The following AHR variants were observed in gnomAD, a reference collection of about 807,000 sequenced individuals.
The protein encoded by AHR is AH-receptor.
AHR carries 40 observed loss-of-function variants against 86.8 expected under a neutral mutation model. The ratio of observed to expected loss-of-function variants is 0.46; its 90% CI spans 0.36 to 0.60. The LOEUF is 0.60. Among genes scored for constraint, AHR ranks in the 20% least tolerant of loss-of-function variants. AHR has a pLI of 0.00. For missense variants in AHR, 1,001 were observed against 1,011.6 expected (o/e 0.99, Z 0.14); for synonymous variants, 398 against 354.9 (o/e 1.12, Z -1.37).
chr7:17,334,873 T>G lies in AHR; in HGVS notation c.909-14T>G. The stretch of plus-strand genomic sequence containing the variant: ...TTAATCCATTCTTATTTTACCTTTT[T>G]TTATTTTAAACAGAGGAAGAATTGT... On this transcript the variant is annotated splice_polypyrimidine_tract_variant and intron_variant, in intron 7 of 10. Transcript: ENST00000242057. 1 of 1,569,212 alleles carries G rather than the reference T, an allele frequency of 6.4e-7. No homozygotes were observed. Among genetic ancestry groups the G allele is most frequent in the Non-Finnish European group, 8.7e-7 (1 of 1,150,232 alleles).
chr7:17,329,813 C>A, intron 4 of AHR, 139 bp from the exon 5 acceptor site: 1 of 720,552 alleles, frequency 1.4e-6, no homozygotes, highest in Non-Finnish European at 2.1e-6. Flanking sequence ...TCTTAGGTGA[C>A]TAGGGAATTT....
In AHR at chr7:17,330,855, G is replaced by T; in HGVS notation, c.674G>T (p.Arg225Met). The change falls in exon 6 of 11, where the codon AGG becomes ATG. Residue 225 changes from arginine to methionine, a missense_variant. By Grantham distance (91) the Arg-to-Met change is moderately conservative. This residue lies in a region of AHR where 394 missense variants were observed against 468.5 expected (regional missense o/e 0.84). Coordinates refer to ENST00000242057, the MANE Select transcript of AHR (RefSeq NM_001621.5). ...GAGAGGTGCTTCATATGTCGTCTAA[G>T]GTGTCTGCTGGATAATTCATCTGGT... ...LMERCFICRL[R>M]CLLDNSSGFL... 2 of 1,612,254 alleles carry T rather than the reference G, an allele frequency of 1.2e-6. No individual in the cohort carries two copies. Among genetic ancestry groups the T allele is most frequent in the Non-Finnish European group, 1.7e-6 (2 of 1,178,722 alleles).
At position 17,346,034 on chromosome 7, in the gene AHR, C is replaced by G. The variant is rs985856588; in HGVS notation, c.*2970C>G. 1 of 152,528 alleles carries G rather than the reference C, an allele frequency of 6.6e-6. No individual in the cohort carries two copies. The highest frequency in any genetic ancestry group is 1.5e-5 in the Non-Finnish European group (1 of 67,970). 9.4% of individuals were successfully genotyped at this position (152,528 alleles called of 1,614,324 possible). A position where few individuals can be genotyped will look rare whatever the true frequency, so the allele number is the denominator to read the frequency against. On this transcript the variant is annotated 3_prime_UTR_variant, in exon 11 of 11. Coordinates refer to ENST00000242057, the MANE Select transcript of AHR (RefSeq NM_001621.5). ...TAAATGCTTTCATGGCTTTTTTCTT[C>G]AAAATGTTACTGCTTACATATATCA... is the stretch of plus-strand genomic sequence containing the variant.
At chr7:17,320,325 A>C (rs1303866798) in intron 2 of AHR, among the ~76,000 whole-genome samples, 2 of 151,908 alleles carry the variant, frequency 1.3e-5, no homozygotes, top group Non-Finnish European at 2.9e-5. Flanking sequence ...ATTATAAATT[A>C]CTCTAAGATG....
At chr7:17,306,809 A>G (rs1208565920) in intron 1 of AHR, among the ~76,000 whole-genome samples, 1 of 152,044 alleles carries the variant, frequency 6.6e-6, no homozygotes, top group African/African-American at 2.4e-5. Flanking sequence ...TCTCTCTTCA[A>G]GCCAGTCCTT....
At chr7:17,300,569 T>C (rs1165317607) in intron 1 of AHR, among the ~76,000 whole-genome samples, 1 of 152,222 alleles carries the variant, frequency 6.6e-6, no homozygotes, top group African/African-American at 2.4e-5. Context: ...AGGATAATAA[T>C]CTATAAATAG....
intron 1 of AHR, among the ~76,000 whole-genome samples, chr7:17,307,212 T>C (rs1562474047): frequency 6.6e-6 from 1 of 152,094 alleles, no homozygotes; most frequent in Non-Finnish European, 1.5e-5. Context: ...GCATGTTGCC[T>C]TGTTTCAGCG....
rs553388870 is a variant in AHR at position 17,302,658 on chromosome 7, G to A, written c.65+3329G>A. Among the ~76,000 whole-genome samples the A allele has an allele frequency of 1.1e-3, 166 of 151,916 alleles. 1 individual carries two copies. The highest frequency in any genetic ancestry group is 2.1e-3 in the Non-Finnish European group (140 of 67,848). ...AGGTAACATTAAATGGCAAAAAGAG[G>A]AAACAGGTATAAATTGAAAGCACTG... On this transcript the variant is annotated intron_variant, in intron 1 of 10. Transcript: ENST00000242057.
At chr7:17,305,049 A>G (rs1260904199) in intron 1 of AHR, among the ~76,000 whole-genome samples, 1 of 152,068 alleles carries the variant, frequency 6.6e-6, no homozygotes, top group African/African-American at 2.4e-5. Flanking sequence ...TATGCTGTTT[A>G]TATCTCATCA....
intron 2 of AHR, among the ~76,000 whole-genome samples, chr7:17,317,373 T>C (rs146251527): frequency 2.0e-3 from 307 of 152,200 alleles, no homozygotes; most frequent in Non-Finnish European, 3.4e-3. Context: ...GATAGAAATT[T>C]TGGGCATTGT....
At chr7:17,341,335 T>C (rs917160136) in intron 10 of AHR, among the ~76,000 whole-genome samples, 2 of 152,224 alleles carry the variant, frequency 1.3e-5, no homozygotes, top group Non-Finnish European at 2.9e-5. Context: ...TATTCAGTTA[T>C]AGTCCGTCTC....
At chr7:17,316,949 G>C (rs1169972192) in intron 2 of AHR, among the ~76,000 whole-genome samples, 1 of 151,928 alleles carries the variant, frequency 6.6e-6, no homozygotes, top group Non-Finnish European at 1.5e-5. Flanking sequence ...CATCTTCTCA[G>C]CATGTTTGAT....
chr7:17,302,156 C>T (rs895122310), intron 1 of AHR, among the ~76,000 whole-genome samples: 5 of 151,760 alleles, frequency 3.3e-5, no homozygotes, highest in African/African-American at 1.2e-4. Context: ...TTCAGCTTAC[C>T]TGTACATAGA....
chr7:17,321,389 A>G (rs1158363567), intron 2 of AHR, among the ~76,000 whole-genome samples: 1 of 151,850 alleles, frequency 6.6e-6, no homozygotes, highest in East Asian at 1.9e-4. Flanking sequence ...CACCTCACAT[A>G]TTAGGAGACA....
intron 2 of AHR, among the ~76,000 whole-genome samples, chr7:17,321,799 T>C (rs1017966317): frequency 6.6e-6 from 1 of 152,042 alleles, no homozygotes; most frequent in African/African-American, 2.4e-5. Context: ...GTGCACATCT[T>C]TTTTGTAGAC....
intron 1 of AHR, among the ~76,000 whole-genome samples, chr7:17,300,378 C>T (rs1168670119): frequency 6.6e-6 from 1 of 152,192 alleles, no homozygotes; most frequent in Non-Finnish European, 1.5e-5. Flanking sequence ...CAGACCAAAT[C>T]AGAAGTGTGC....
intron 1 of AHR, among the ~76,000 whole-genome samples, chr7:17,306,284 A>G (rs1470134490): frequency 6.6e-6 from 1 of 152,212 alleles, no homozygotes; most frequent in Non-Finnish European, 1.5e-5. Flanking sequence ...TGTTCTGTAT[A>G]TCTTCAAGAT....
chr7:17,339,419 C>A lies in AHR; in HGVS notation c.1594C>A (p.Gln532Lys), dbSNP rs1407777824. ...TGCTGGAGGTCACCCAGGGCTCTTTCAAGATAGTAAAAACAGTGACTTGTA... is the reference window on the plus strand; with the variant it reads ...TGCTGGAGGTCACCCAGGGCTCTTTAAAGATAGTAAAAACAGTGACTTGTA... ...SFAGGHPGLF[Q>K]DSKNSDLYSI... Residue 532 changes from glutamine (Q) to lysine (K), a missense_variant, in exon 10 of 11, where the codon CAA becomes AAA. This residue lies in a region of AHR where 607 missense variants were observed against 543.1 expected (regional missense o/e 1.12). Transcript: ENST00000242057. 2.5e-6 allele frequency: 4 copies of A among 1,614,038 alleles called. No individual in the cohort carries two copies. The highest frequency in any genetic ancestry group is 2.5e-6 in the Non-Finnish European group (3 of 1,180,036).
At chr7:17,311,001 C>G (rs543999873) in intron 2 of AHR, among the ~76,000 whole-genome samples, 1 of 152,082 alleles carries the variant, frequency 6.6e-6, no homozygotes, top group Admixed American at 6.6e-5. Context: ...GTAGCATCCC[C>G]GTATCTCAGT....
Sources: allele counts gnomAD v4.1 joint callset (sites outside exome capture counted in the v4.1 genomes callset), GRCh38; gene constraint gnomAD v4.1.1; regional missense constraint gnomAD v4.1.1; transcripts MANE v1.5; gene names NCBI Gene and HGNC (gene_info 2026-07-23, HGNC 2026-07-21).